FLRT1: variants seen among roughly 807,000 people sequenced by gnomAD.
FLRT1 encodes the protein leucine-rich repeat transmembrane protein FLRT1.
A neutral mutation model predicts 30.9 loss-of-function variants in FLRT1; 14 were observed. That is an observed-to-expected ratio of 0.45 (90% CI 0.30 to 0.71). FLRT1 has a LOEUF of 0.71. Among genes scored for constraint, FLRT1 ranks in the 30% least tolerant of loss-of-function variants. The pLI is 0.08. For missense variants in FLRT1, 737 were observed against 949.2 expected (o/e 0.78, Z 2.94); for synonymous variants, 368 against 430.4 (o/e 0.85, Z 1.80).
intron 1 of FLRT1, among the ~76,000 whole-genome samples, chr11:64,046,428 C>A (rs1010153623): frequency 1.3e-5 from 2 of 152,128 alleles, no homozygotes; most frequent in Non-Finnish European, 2.9e-5. Context: ...GCGAGGCTGC[C>A]CAAGGGGACA....
At chr11:64,097,750 C>G (rs1488424535) in intron 1 of FLRT1, among the ~76,000 whole-genome samples, 1 of 152,208 alleles carries the variant, frequency 6.6e-6, no homozygotes, top group Non-Finnish European at 1.5e-5. Flanking sequence ...AGCGAGTGGG[C>G]AGGGAATGGG....
At chr11:64,043,860 G>A (rs1943535172) in intron 1 of FLRT1, among the ~76,000 whole-genome samples, 1 of 150,106 alleles carries the variant, frequency 6.7e-6, no homozygotes, top group Admixed American at 6.6e-5. Flanking sequence ...TGCCCAGACT[G>A]GAGTGCGATG....
chr11:64,072,993 C>T (rs1398371035), intron 1 of FLRT1, among the ~76,000 whole-genome samples: 1 of 152,180 alleles, frequency 6.6e-6, no homozygotes, highest in African/African-American at 2.4e-5. Flanking sequence ...GTCCTGCAGC[C>T]CAGAGAGGGG....
intron 1 of FLRT1, among the ~76,000 whole-genome samples, chr11:64,078,225 C>T (rs563739404): frequency 6.0e-4 from 92 of 152,300 alleles, no homozygotes; most frequent in Non-Finnish European, 1.2e-3. Flanking sequence ...CCCAGTAGGA[C>T]GTGCCCTCCA....
In FLRT1 at chr11:64,116,674, A is replaced by G. The variant is rs116999073; in HGVS notation, c.407A>G (p.Asp136Gly). Residue 136 changes from aspartate to glycine, a missense_variant, in exon 3 of 3, where the codon GAC (aspartate) becomes GGC (glycine). Coordinates refer to ENST00000682287, the MANE Select transcript of FLRT1 (RefSeq NM_013280.5). ...PRSLRELHLQ[D>G]NNVRTIARDS... The stretch of plus-strand genomic sequence containing the variant: ...TCCCTCCGGGAGCTGCACCTGCAGG[A>G]CAACAATGTGCGCACCATTGCCAGG... 3,292 of 1,613,982 alleles carry G rather than the reference A, an allele frequency of 2.0e-3. 4 individuals are homozygous for G. Among genetic ancestry groups the G allele is most frequent in the Non-Finnish European group, 2.6e-3 (3,081 of 1,180,028 alleles).
intron 2 of FLRT1, among the ~76,000 whole-genome samples, chr11:64,114,504 GATGA>G (rs1944936673): frequency 6.6e-6 from 1 of 150,538 alleles, no homozygotes; most frequent in Non-Finnish European, 1.5e-5. Context: ...TGGATGGATG[GATGA>G]ATGGATGGAT....
At chr11:64,111,421 C>G (rs1458617906) in intron 2 of FLRT1, among the ~76,000 whole-genome samples, 1 of 152,230 alleles carries the variant, frequency 6.6e-6, no homozygotes. Flanking sequence ...CTTCCTGTCT[C>G]TAGCATTGCC....
intron 1 of FLRT1, among the ~76,000 whole-genome samples, chr11:64,059,087 C>T (rs1486098723): frequency 1.3e-5 from 2 of 152,154 alleles, no homozygotes; most frequent in African/African-American, 4.8e-5. Context: ...AACTGAGGCT[C>T]ACATGGAAAT....
chr11:64,079,393 G>A (rs1307665362), intron 1 of FLRT1, among the ~76,000 whole-genome samples: 1 of 151,936 alleles, frequency 6.6e-6, no homozygotes, highest in Non-Finnish European at 1.5e-5. Context: ...GGAGGGAAGG[G>A]GGTCGTTGGG....
rs61731568 is a variant in FLRT1, at chr11:64,116,724, C to T, written c.457C>T (p.Leu153=). 3,938 of 1,613,754 alleles carry T rather than the reference C, an allele frequency of 2.4e-3. 69 individuals are homozygous for T. The African/African-American group carries it at 0.047, about 19-fold the overall frequency. ...ARDSLARIPL[L]EKLHLDDNSV... ...GGACTCGCTGGCCCGCATCCCGCTG[C>T]TGGAGAAGCTGCACCTGGATGACAA... Residue 153 remains leucine, a synonymous_variant, in exon 3 of 3, where the codon CTG becomes TTG. Transcript: ENST00000682287.
At chr11:64,059,990 A>C (rs1943866974) in intron 1 of FLRT1, among the ~76,000 whole-genome samples, 1 of 152,142 alleles carries the variant, frequency 6.6e-6, no homozygotes, top group Non-Finnish European at 1.5e-5. Flanking sequence ...AGGGCCGGGA[A>C]GGGCGGTGCG....
Position 64,100,335 on chromosome 11 carries a change from T to C in FLRT1, c.-1037-2859T>C, listed in dbSNP as rs184088318. On this transcript the variant is annotated intron_variant, in intron 1 of 2. Transcript: ENST00000682287. ...TTCTTTTAATACAGTTGTGATGTGATTGACGACAACAAAAGTAGAAAATTG... is the reference window on the plus strand; with the variant it reads ...TTCTTTTAATACAGTTGTGATGTGACTGACGACAACAAAAGTAGAAAATTG... Among the ~76,000 whole-genome samples the C allele has an allele frequency of 5.1e-4, 77 of 152,358 alleles. 1 individual carries two copies. The East Asian group carries it at 0.014, about 28-fold the overall frequency.
At chr11:64,091,920 T>A (rs976288404) in intron 1 of FLRT1, among the ~76,000 whole-genome samples, 3 of 152,106 alleles carry the variant, frequency 2.0e-5, no homozygotes, top group Non-Finnish European at 4.4e-5. Context: ...TCCCGAGGCC[T>A]CTCTCTGGGG....
intron 1 of FLRT1, among the ~76,000 whole-genome samples, chr11:64,054,425 C>G (rs1331990211): frequency 5.3e-5 from 8 of 152,198 alleles, no homozygotes. Context: ...AAACACCGCA[C>G]TATAAATCCA....
At chr11:64,089,942 G>A (rs1944460397) in intron 1 of FLRT1, among the ~76,000 whole-genome samples, 2 of 152,156 alleles carry the variant, frequency 1.3e-5, no homozygotes, top group South Asian at 2.1e-4. Flanking sequence ...TGCCCCCCAC[G>A]CCCTGTAAAG....
chr11:64,104,277 C>T (rs1944720310), intron 2 of FLRT1, 96 bp downstream of exon 2: 1 of 152,316 alleles, frequency 6.6e-6, no homozygotes, highest in Non-Finnish European at 1.5e-5. Context: ...GTTGCACCCT[C>T]CAAAGGCCCC....
intron 1 of FLRT1, among the ~76,000 whole-genome samples, chr11:64,058,408 G>A (rs897905058): frequency 6.6e-6 from 1 of 152,274 alleles, no homozygotes; most frequent in African/African-American, 2.4e-5. Flanking sequence ...GGGCTTGGGG[G>A]GGGGTCCTCC....
In FLRT1 at chr11:64,036,374, G is replaced by T. The variant is rs1225504900; in HGVS notation, c.-1038+215G>T. On this transcript the variant is annotated intron_variant, in intron 1 of 2. Transcript: ENST00000682287. This position sits in a 1 kb window ranked among gnomAD's most constrained non-coding sequence, Gnocchi z 5.6. Reference sequence around the variant, plus strand: ...AGAGCCAAGCACCAGTAGCGGTGGCGCTGGCCCCGCCGCGGGGAGGCGCGG... The same window carrying T: ...AGAGCCAAGCACCAGTAGCGGTGGCTCTGGCCCCGCCGCGGGGAGGCGCGG... Among the ~76,000 whole-genome samples, 3 of 152,102 alleles carry T rather than the reference G, an allele frequency of 2.0e-5. No homozygotes were observed. The highest frequency in any genetic ancestry group is 7.2e-5 in the African/African-American group (3 of 41,452).
chr11:64,098,562 C>A (rs1228677347), intron 1 of FLRT1, among the ~76,000 whole-genome samples: 1 of 152,196 alleles, frequency 6.6e-6, no homozygotes, highest in African/African-American at 2.4e-5. Context: ...AAGGAACAGG[C>A]TCTGTGGATG....
Sources: gnomAD v4.1 joint callset for allele counts (sites outside exome capture counted in the v4.1 genomes callset) on GRCh38, gnomAD v4.1.1 for gene constraint, Gnocchi (gnomAD v3.1) non-coding constraint, MANE v1.5 for transcripts, NCBI Gene and HGNC (gene_info 2026-07-23, HGNC 2026-07-21) for gene names.